Variants in EXOC1 observed in about 807,000 individuals in gnomAD.
EXOC1 encodes exocyst complex component 1.
A neutral mutation model predicts 107.7 loss-of-function variants in EXOC1; 67 were observed. That is an observed-to-expected ratio of 0.62 (90% CI 0.51 to 0.76). The LOEUF (loss-of-function observed/expected upper bound fraction) is 0.76. EXOC1 is among the 30% of genes least tolerant of loss of function. The pLI, the probability that EXOC1 is intolerant of heterozygous loss-of-function variation, is 0.00. For synonymous variants in EXOC1, 348 were observed against 353.5 expected (o/e 0.98, Z 0.17); for missense variants, 833 against 1,055.7 (o/e 0.79, Z 2.92).
rs1722407920 is a variant in EXOC1, at chr4:55,871,223, T to C, written c.954T>C (p.Ala318=). The C allele has an allele frequency of 1.2e-6, 2 of 1,612,516 alleles. No homozygotes were observed. The highest frequency in any genetic ancestry group is 1.1e-5 in the South Asian group (1 of 90,974). Residue 318 remains alanine, a synonymous_variant, in exon 7 of 19, where the codon GCT becomes GCC. Coordinates refer to ENST00000381295, the MANE Select transcript of EXOC1 (RefSeq NM_001024924.2). Reference sequence around the variant, plus strand: ...CCCTTCTGCAGTGCATGAATGTAGCTCTTCGACCAGGTATGTTCATTAGAA... The same window carrying C: ...CCCTTCTGCAGTGCATGAATGTAGCCCTTCGACCAGGTATGTTCATTAGAA... ...ADALLQCMNV[A]LRPGHDLLLA... is the part of the protein sequence containing the mutation.
chr4:55,874,158 A>G (rs1369603008), intron 8 of EXOC1, among the ~76,000 whole-genome samples: 2 of 152,164 alleles, frequency 1.3e-5, no homozygotes, highest in African/African-American at 4.8e-5. Flanking sequence ...GAACGAGTCC[A>G]TGCAATACAG....
chr4:55,857,895 T>C (rs1721144160), intron 1 of EXOC1, among the ~76,000 whole-genome samples: 1 of 152,228 alleles, frequency 6.6e-6, no homozygotes, highest in Non-Finnish European at 1.5e-5. Flanking sequence ...TAGTGGCCAG[T>C]GATGTTAAGC....
chr4:55,869,078 C>T (rs752697280), intron 5 of EXOC1, among the ~76,000 whole-genome samples: 3 of 152,122 alleles, frequency 2.0e-5, no homozygotes, highest in Non-Finnish European at 4.4e-5. Context: ...TTCAAATGCA[C>T]AGCACCTGCT....
Position 55,904,523 on chromosome 4 carries a change from A to G in EXOC1, c.*28A>G. The G allele has an allele frequency of 6.3e-7, 1 of 1,590,718 alleles. No individual in the cohort carries two copies. The highest frequency in any genetic ancestry group is 1.3e-5 in the African/African-American group (1 of 74,140). On this transcript the variant is annotated 3_prime_UTR_variant, in exon 19 of 19. Transcript: ENST00000381295. ...CTTGTGAAAGAAGAAAAGATAACTG[A>G]ATGAAGCATTTGAGTATAACAGACA...
At chr4:55,864,625 G>A (rs544845188) in intron 4 of EXOC1, among the ~76,000 whole-genome samples, 3 of 152,088 alleles carry the variant, frequency 2.0e-5, no homozygotes, top group Non-Finnish European at 4.4e-5. Context: ...TTAGATATTC[G>A]TCTAGTCTTT....
intron 4 of EXOC1, among the ~76,000 whole-genome samples, 155 bp from the exon 5 acceptor site, chr4:55,868,181 T>C (rs941097561): frequency 6.6e-6 from 1 of 152,198 alleles, no homozygotes; most frequent in Non-Finnish European, 1.5e-5. Context: ...TTTATAAAAA[T>C]AAAGTTTGAT....
At chr4:55,875,476 A>C (rs2110343656) in intron 8 of EXOC1, 2 of 980,662 alleles carry the variant, frequency 2.0e-6, no homozygotes, top group East Asian at 2.3e-4. Context: ...AAAAGTCACT[A>C]TAGCAAAGTG....
intron 4 of EXOC1, among the ~76,000 whole-genome samples, chr4:55,867,212 A>C (rs1203469970): frequency 6.6e-6 from 1 of 152,190 alleles, no homozygotes; most frequent in Non-Finnish European, 1.5e-5. Context: ...ACTTTTTCGC[A>C]GTGAATTAAA....
chr4:55,894,538 A>G (rs969621669), intron 15 of EXOC1, among the ~76,000 whole-genome samples: 5 of 151,534 alleles, frequency 3.3e-5, no homozygotes, highest in African/African-American at 1.2e-4. Flanking sequence ...TATTTTAGGA[A>G]TAAATTGTTA....
chr4:55,862,381 T>C (rs1373909613), intron 3 of EXOC1, among the ~76,000 whole-genome samples: 1 of 152,078 alleles, frequency 6.6e-6, no homozygotes, highest in Non-Finnish European at 1.5e-5. Flanking sequence ...ATATAAAACA[T>C]AAAATTTTTA....
chr4:55,883,674 A>G, intron 9 of EXOC1, 149 bp from the exon 10 acceptor site: 1 of 495,828 alleles, frequency 2.0e-6, no homozygotes, highest in Non-Finnish European at 3.6e-6. Context: ...TTTTTAAGAC[A>G]GAAAGTAACC....
At chr4:55,882,122 G>GTGTTT (rs1220216076) in intron 9 of EXOC1, among the ~76,000 whole-genome samples, 1 of 113,990 alleles carries the variant, frequency 8.8e-6, no homozygotes, top group Non-Finnish European at 1.8e-5. Context: ...TTGTTGTATT[G>GTGTTT]TGTTTTGTTT....
intron 1 of EXOC1, among the ~76,000 whole-genome samples, chr4:55,858,006 G>T (rs1334409755): frequency 6.6e-6 from 1 of 152,102 alleles, no homozygotes; most frequent in Non-Finnish European, 1.5e-5. Context: ...TCTTATTGTT[G>T]TAAGGGTTCT....
chr4:55,893,177 G>T (rs1034709800), intron 14 of EXOC1, among the ~76,000 whole-genome samples: 7 of 152,058 alleles, frequency 4.6e-5, no homozygotes, highest in Non-Finnish European at 1.0e-4. Context: ...ATGCAATGGC[G>T]CCATCTCAGC....
rs186024110 is a variant in EXOC1, at chr4:55,885,947, C to T, written c.1330+2019C>T. The stretch of plus-strand genomic sequence containing the variant: ...TGAATTTTTCATACTGTAGACTGTC[C>T]TGGCTTATAATTGTTCAACTTAGGA... On this transcript the variant is annotated intron_variant, in intron 10 of 18. Coordinates refer to ENST00000381295, the MANE Select transcript of EXOC1 (RefSeq NM_001024924.2). Among the ~76,000 whole-genome samples the T allele has an allele frequency of 8.0e-4, 121 of 152,122 alleles. 1 individual carries two copies. The highest frequency in any genetic ancestry group is 2.8e-3 in the African/African-American group (116 of 41,488).
chr4:55,870,847 T>G lies in EXOC1; in HGVS notation c.773T>G (p.Leu258Arg). ...GATCAGATCTCTGAAAGCAACCACCTAATTCATCTTAGTAACACTAATAAT... is the reference window on the plus strand; with the variant it reads ...GATCAGATCTCTGAAAGCAACCACCGAATTCATCTTAGTAACACTAATAAT... ...QMDQISESNH[L>R]IHLSNTNNVK... The change falls in exon 6 of 19, where the codon CTA becomes CGA. Residue 258 changes from leucine (L) to arginine (R), a missense_variant. Around this residue, in one of 2 missense-constraint regions of EXOC1, gnomAD observed 617 missense variants for 701.3 expected, o/e 0.88. Coordinates refer to ENST00000381295, the MANE Select transcript of EXOC1 (RefSeq NM_001024924.2). The G allele has an allele frequency of 1.9e-6, 3 of 1,613,894 alleles. No individual in the cohort carries two copies. Among genetic ancestry groups the G allele is most frequent in the Non-Finnish European group, 2.5e-6 (3 of 1,179,912 alleles).
chr4:55,891,957 G>A (rs1196098777), intron 13 of EXOC1, among the ~76,000 whole-genome samples: 2 of 152,146 alleles, frequency 1.3e-5, no homozygotes, highest in East Asian at 1.9e-4. Context: ...TATTCAGCAT[G>A]CCTTTCTGGT....
chr4:55,882,683 A>G (rs1723518876), intron 9 of EXOC1: 1 of 152,208 alleles, frequency 6.6e-6, no homozygotes, highest in Non-Finnish European at 1.5e-5. Flanking sequence ...GAATACAGCT[A>G]TAAAATATTT....
Position 55,896,772 on chromosome 4 carries a change from G to A in EXOC1, c.2009G>A (p.Gly670Glu), listed in dbSNP as rs35001804. The A allele has an allele frequency of 6.7e-3, 10,821 of 1,610,422 alleles. 47 individuals carry two copies. The highest frequency in any genetic ancestry group is 7.9e-3 in the Non-Finnish European group (9,366 of 1,178,996). The change falls in exon 16 of 19, where the codon GGA (glycine) becomes GAA (glutamate). Residue 670 changes from glycine (G) to glutamate (E), a missense_variant. By Grantham distance (98) the Gly-to-Glu change is moderately conservative. Transcript: ENST00000381295. Reference sequence around the variant, plus strand: ...AAGATCTCAAAAAAGAGTAAAGTTGGAATTCTTCCATTTGTTGCTGAATTT... The same window carrying A: ...AAGATCTCAAAAAAGAGTAAAGTTGAAATTCTTCCATTTGTTGCTGAATTT... ...EVKISKKSKV[G>E]ILPFVAEFEE...
Sources: gnomAD v4.1 joint callset for allele counts (sites outside exome capture counted in the v4.1 genomes callset) on GRCh38, gnomAD v4.1.1 for gene constraint, gnomAD v4.1.1 regional missense constraint, MANE v1.5 for transcripts, NCBI Gene and HGNC (gene_info 2026-07-23, HGNC 2026-07-21) for gene names.